Variants in EFCC1 observed in about 807,000 individuals in gnomAD.
EFCC1 encodes the protein EF-hand and coiled-coil domain containing 1, also known as EF-hand and coiled-coil domain-containing protein 1.
In EFCC1, 50 loss-of-function variants were observed where a neutral mutation model predicts 52.1. The ratio of observed to expected loss-of-function variants is 0.96; its 90% CI spans 0.76 to 1.21. The LOEUF is 1.21. EFCC1 is among the 50% of genes most tolerant of loss of function. The probability of loss-of-function intolerance (pLI) is 0.00; values close to 1 mark genes in which losing one functional copy is unlikely to be tolerated. For synonymous variants in EFCC1, 399 were observed against 396.5 expected (o/e 1.01, Z -0.08); for missense variants, 837 against 867.3 (o/e 0.97, Z 0.44).
intron 2 of EFCC1, among the ~76,000 whole-genome samples, 176 bp downstream of exon 2, chr3:129,004,253 C>A (rs951267830): frequency 2.0e-4 from 31 of 152,186 alleles, no homozygotes; most frequent in African/African-American, 7.2e-4. Context: ...TATAAGTCTG[C>A]TCCATTGCTT....
chr3:129,002,611 G>A, intron 1 of EFCC1: 1 of 492,990 alleles, frequency 2.0e-6, no homozygotes, highest in Non-Finnish European at 3.4e-6. Flanking sequence ...ATCGCGTCTT[G>A]CCCCTTTAAC....
intron 6 of EFCC1, 83 bp from the exon 7 acceptor site, chr3:129,038,748 C>G: frequency 6.5e-6 from 9 of 1,391,504 alleles, no homozygotes; most frequent in Non-Finnish European, 8.2e-6. Context: ...TGCCTAGAAG[C>G]CCGTAGGGGC....
rs1158503659 is a variant in EFCC1 at position 129,003,915 on chromosome 3, G to T, written c.818G>T (p.Arg273Leu). 5 of 1,355,550 alleles carry T rather than the reference G, an allele frequency of 3.7e-6. No homozygotes were observed. The highest frequency in any genetic ancestry group is 1.5e-5 in the African/African-American group (1 of 64,890). 84.0% of individuals were successfully genotyped at this position (1,355,550 alleles called of 1,614,324 possible). The change falls in exon 2 of 8, where the codon CGG (arginine) becomes CTG (leucine). Residue 273 changes from arginine (R) to leucine (L), a missense_variant. Arg to Leu is a moderately radical substitution (Grantham distance 102). Transcript: ENST00000683648. Reference sequence around the variant, plus strand: ...GCTGCGGCGGAGGCCCGCGCTGGGCGGCTGCGCCGTGGCCAGGCCGAGGTG... The same window carrying T: ...GCTGCGGCGGAGGCCCGCGCTGGGCTGCTGCGCCGTGGCCAGGCCGAGGTG... Reference protein sequence around the residue: ...ALAAAEARAGRLRRGQAEVRR... With the variant: ...ALAAAEARAGLLRRGQAEVRR...
In EFCC1 at chr3:129,027,269, C is replaced by CGCA. The variant is rs1946147654; in HGVS notation, c.981-3431_981-3429dup. ...AGGCCCCGCGGGCGGCGGCGGTGCT[C>CGCA]GCAGCCGAGGTGCCGGCGGGGAGCT... On this transcript the variant is annotated intron_variant, in intron 2 of 7. Coordinates refer to ENST00000683648, the MANE Select transcript of EFCC1 (RefSeq NM_001377500.1). Among the ~76,000 whole-genome samples, 4 of 152,176 alleles carry CGCA rather than the reference C, an allele frequency of 2.6e-5. 1 individual carries two copies. The South Asian group carries it at 8.3e-4, about 31-fold the overall frequency.
At chr3:129,013,076 G>A (rs750963949) in intron 2 of EFCC1, among the ~76,000 whole-genome samples, 9 of 152,190 alleles carry the variant, frequency 5.9e-5, no homozygotes, top group African/African-American at 1.2e-4. Context: ...AGCTCCAGAC[G>A]TGCCAGTGTC....
In EFCC1 at chr3:129,014,765, C is replaced by G. The variant is rs934433795; in HGVS notation, c.980+10688C>G. ...GCGGAGGTGACTCCCATAGCAAAAT[C>G]ACAGGGCTGGGCACAAGCTTGGCTT... On this transcript the variant is annotated intron_variant, in intron 2 of 7. Coordinates refer to ENST00000683648, the MANE Select transcript of EFCC1 (RefSeq NM_001377500.1). This position sits in a 1 kb window ranked among gnomAD's most constrained non-coding sequence, Gnocchi z 4.3. 1.3e-5 allele frequency among the ~76,000 whole-genome samples: 2 copies of G among 152,194 alleles called. No individual in the cohort carries two copies. The highest frequency in any genetic ancestry group is 4.8e-5 in the African/African-American group (2 of 41,446).
intron 2 of EFCC1, among the ~76,000 whole-genome samples, chr3:129,022,750 G>A (rs1257406693): frequency 6.6e-6 from 1 of 152,238 alleles, no homozygotes; most frequent in Non-Finnish European, 1.5e-5. Flanking sequence ...TGCCTGTTGA[G>A]TGACAAGTGT....
intron 2 of EFCC1, among the ~76,000 whole-genome samples, chr3:129,008,725 G>A (rs1282361550): frequency 6.6e-6 from 1 of 152,178 alleles, no homozygotes; most frequent in African/African-American, 2.4e-5. Context: ...AGGTGAAATA[G>A]AAGCCTCCCA....
Position 129,001,407 on chromosome 3 carries a change from C to T in EFCC1, c.-222C>T, listed in dbSNP as rs1944736540. Among the ~76,000 whole-genome samples the T allele has an allele frequency of 6.6e-6, 1 of 152,208 alleles. No individual in the cohort carries two copies. Among genetic ancestry groups the T allele is most frequent in the Admixed American group, 6.5e-5 (1 of 15,292 alleles). ...GGCACTGGTGGCGCTGCCGGGGTCCCGGGGGTTCCTGGACCCCCTACCCCA... is the reference window on the plus strand; with the variant it reads ...GGCACTGGTGGCGCTGCCGGGGTCCTGGGGGTTCCTGGACCCCCTACCCCA... On this transcript the variant is annotated 5_prime_UTR_variant, in exon 1 of 8. Transcript: ENST00000683648.
chr3:129,002,064 C>T lies in EFCC1; in HGVS notation c.436C>T (p.His146Tyr), dbSNP rs780841462. The T allele has an allele frequency of 1.4e-3, 2,216 of 1,538,558 alleles. 8 individuals are homozygous for T. The highest frequency in any genetic ancestry group is 2.6e-3 in the Admixed American group (132 of 50,124). ...GCCGGAGCTCACCTTCCGCCAGTTC[C>T]ACGCGCGCCTCTGTGGCTACTTCGG... ...EPPELTFRQF[H>Y]ARLCGYFGTR... Residue 146 changes from histidine to tyrosine, a missense_variant, in exon 1 of 8, where the codon CAC becomes TAC. Physicochemically the swap from His to Tyr is moderately conservative, Grantham distance 83. Coordinates refer to ENST00000683648, the MANE Select transcript of EFCC1 (RefSeq NM_001377500.1).
Position 129,039,983 on chromosome 3 carries a change from C to A in EFCC1, c.*135C>A. 1 of 1,256,288 alleles carries A rather than the reference C, an allele frequency of 8.0e-7. No homozygotes were observed. The highest frequency in any genetic ancestry group is 3.1e-5 in the Admixed American group (1 of 32,328). The allele number at this position is 1,256,288 out of a possible 1,614,324, so 77.8% of individuals were successfully genotyped here. On this transcript the variant is annotated 3_prime_UTR_variant, in exon 8 of 8. Coordinates refer to ENST00000683648, the MANE Select transcript of EFCC1 (RefSeq NM_001377500.1). ...AACTTGAGTCTCTGCTGGCTCCTTCCAAGGTTAAGCCCGAGCCCAGAGCCT... is the reference window on the plus strand; with the variant it reads ...AACTTGAGTCTCTGCTGGCTCCTTCAAAGGTTAAGCCCGAGCCCAGAGCCT...
At chr3:129,013,205 C>T (rs991130615) in intron 2 of EFCC1, among the ~76,000 whole-genome samples, 4 of 152,042 alleles carry the variant, frequency 2.6e-5, no homozygotes, top group South Asian at 2.1e-4. Context: ...ATTGTTTTGA[C>T]GGTACAGCCT....
At chr3:129,006,237 A>G (rs908837007) in intron 2 of EFCC1, among the ~76,000 whole-genome samples, 2 of 152,226 alleles carry the variant, frequency 1.3e-5, no homozygotes, top group African/African-American at 4.8e-5. Context: ...CAGACCTTGC[A>G]TCTGCTGATC....
intron 2 of EFCC1, among the ~76,000 whole-genome samples, chr3:129,009,970 G>A (rs937443016): frequency 6.6e-6 from 1 of 152,224 alleles, no homozygotes; most frequent in Non-Finnish European, 1.5e-5. Flanking sequence ...CCGTAGCTGG[G>A]AGCCCTCCTG....
In EFCC1 at chr3:129,001,609, G is replaced by A; in HGVS notation, c.-20G>A. On this transcript the variant is annotated 5_prime_UTR_variant, in exon 1 of 8. Transcript: ENST00000683648. The stretch of plus-strand genomic sequence containing the variant: ...AGGGACCGGAGGAGGGACCGGAGGA[G>A]CGAGGCGCGCGGCGCAGCGATGGAG... 3 of 1,355,764 alleles carry A rather than the reference G, an allele frequency of 2.2e-6. No homozygotes were observed. Among genetic ancestry groups the A allele is most frequent in the Non-Finnish European group, 2.8e-6 (3 of 1,060,816 alleles). The allele number at this position is 1,355,764 out of a possible 1,614,324, so 84.0% of individuals were successfully genotyped here. A position where few individuals can be genotyped will look rare whatever the true frequency, so the allele number is the denominator to read the frequency against.
At chr3:129,024,690 C>T (rs760848196) in intron 2 of EFCC1, among the ~76,000 whole-genome samples, 7 of 152,078 alleles carry the variant, frequency 4.6e-5, no homozygotes, top group African/African-American at 7.2e-5. Flanking sequence ...GGGAGACAAA[C>T]GCATTCCTGT....
chr3:129,003,933 C>T lies in EFCC1; in HGVS notation c.836C>T (p.Ala279Val), dbSNP rs1369670846. 2.2e-6 allele frequency: 3 copies of T among 1,388,624 alleles called. No homozygotes were observed. Among genetic ancestry groups the T allele is most frequent in the Non-Finnish European group, 2.8e-6 (3 of 1,074,956 alleles). The allele number at this position is 1,388,624 out of a possible 1,614,324, so 86.0% of individuals were successfully genotyped here. The change falls in exon 2 of 8, where the codon GCC becomes GTC. Residue 279 changes from alanine (A) to valine (V), a missense_variant. Coordinates refer to ENST00000683648, the MANE Select transcript of EFCC1 (RefSeq NM_001377500.1). ...ARAGRLRRGQ[A>V]EVRRRAEEAR... Reference sequence around the variant, plus strand: ...GCTGGGCGGCTGCGCCGTGGCCAGGCCGAGGTGCGGCGGCGCGCGGAGGAG... The same window carrying T: ...GCTGGGCGGCTGCGCCGTGGCCAGGTCGAGGTGCGGCGGCGCGCGGAGGAG...
At chr3:129,035,048 C>T (rs1296394968) in intron 5 of EFCC1, among the ~76,000 whole-genome samples, 3 of 152,096 alleles carry the variant, frequency 2.0e-5, no homozygotes, top group African/African-American at 7.3e-5. Context: ...GTCTCTATTC[C>T]ACAGTAGCCA....
Position 129,019,032 on chromosome 3 carries a change from G to A in EFCC1, c.981-11671G>A, listed in dbSNP as rs142800172. On this transcript the variant is annotated intron_variant, in intron 2 of 7. Transcript: ENST00000683648. The stretch of plus-strand genomic sequence containing the variant: ...AGTGCGTGTCCTCCCCCACACCACC[G>A]TGCAGCAGCCTGCTGTGAGAACTGT... 1.2e-4 allele frequency among the ~76,000 whole-genome samples: 19 copies of A among 152,290 alleles called. No homozygotes were observed. The East Asian group carries it at 1.7e-3, about 14-fold the overall frequency.
Sources: allele counts gnomAD v4.1 joint callset (sites outside exome capture counted in the v4.1 genomes callset), GRCh38; gene constraint gnomAD v4.1.1; non-coding constraint Gnocchi (gnomAD v3.1); transcripts MANE v1.5; gene names NCBI Gene and HGNC (gene_info 2026-07-23, HGNC 2026-07-21).